The following ADAM23 variants were observed in gnomAD, a reference collection of about 807,000 sequenced individuals.
ADAM23 encodes the protein disintegrin and metalloproteinase domain-containing protein 23.
Under a neutral mutation model 120.1 loss-of-function variants are expected in ADAM23, and 33 were observed. The ratio of observed to expected loss-of-function variants is 0.27; its 90% confidence interval spans 0.21 to 0.37. The LOEUF (loss-of-function observed/expected upper bound fraction) is 0.37. ADAM23 is among the 10% of genes least tolerant of loss of function. ADAM23 has a pLI of 1.00. For synonymous variants in ADAM23, 367 were observed against 375.2 expected (o/e 0.98, Z 0.25); for missense variants, 862 against 1,058.2 (o/e 0.81, Z 2.57).
chr2:206,462,219 A>G (rs1050368252), intron 2 of ADAM23, among the ~76,000 whole-genome samples: 4 of 152,206 alleles, frequency 2.6e-5, no homozygotes, highest in African/African-American at 9.7e-5. Context: ...TAAAGTTAGT[A>G]TAAATATGTC....
intron 3 of ADAM23, among the ~76,000 whole-genome samples, chr2:206,529,484 G>A (rs776247067): frequency 4.6e-5 from 7 of 151,758 alleles, no homozygotes; most frequent in Admixed American, 3.3e-4. Flanking sequence ...CTGCAGCCTC[G>A]ATCTTCTGGG....
At chr2:206,559,704 A>C (rs1224743787) in intron 10 of ADAM23, among the ~76,000 whole-genome samples, 1 of 152,188 alleles carries the variant, frequency 6.6e-6, no homozygotes, top group African/African-American at 2.4e-5. Context: ...GTCTCTCCCT[A>C]GGACAGTGAA....
intron 3 of ADAM23, among the ~76,000 whole-genome samples, chr2:206,520,688 GC>G (rs1696824780): frequency 6.6e-6 from 1 of 152,068 alleles, no homozygotes; most frequent in Admixed American, 6.6e-5. Context: ...TTTGCTGATG[GC>G]TCTAATTGAC....
intron 2 of ADAM23, among the ~76,000 whole-genome samples, chr2:206,449,828 T>A (rs1695155871): frequency 6.6e-6 from 1 of 152,144 alleles, no homozygotes; most frequent in South Asian, 2.1e-4. Flanking sequence ...CTTAGGATTC[T>A]CGTCTCTTCT....
intron 21 of ADAM23, among the ~76,000 whole-genome samples, chr2:206,590,288 G>A (rs1448168325): frequency 6.6e-6 from 1 of 152,108 alleles, no homozygotes; most frequent in Non-Finnish European, 1.5e-5. Context: ...AGTAGAGATA[G>A]GGTTTCACCA....
At chr2:206,554,153 A>G (rs1261795231) in intron 9 of ADAM23, among the ~76,000 whole-genome samples, 1 of 152,150 alleles carries the variant, frequency 6.6e-6, no homozygotes, top group Admixed American at 6.5e-5. Context: ...CCTTTAATTC[A>G]GAGTGATTTA....
In ADAM23 at chr2:206,481,273, C is replaced by A; in HGVS notation, c.474C>A (p.Phe158Leu). The change falls in exon 3 of 26, where the codon TTC becomes TTA. Residue 158 changes from phenylalanine to leucine, a missense_variant. Phe to Leu is a conservative substitution (Grantham distance 22). This residue lies in a region of ADAM23 where 617 missense variants were observed against 813.5 expected (regional missense o/e 0.76). Coordinates refer to ENST00000264377, the MANE Select transcript of ADAM23 (RefSeq NM_003812.4). ...LAQASFQIEA[F>L]GSKFILDLIL... ...AGGCAAGCTTCCAGATTGAAGCCTT[C>A]GGCTCCAAATTCATTCTTGACCTCA... 6.2e-7 allele frequency: 1 copy of A among 1,609,404 alleles called. No individual in the cohort carries two copies. Among genetic ancestry groups the A allele is most frequent in the Non-Finnish European group, 8.5e-7 (1 of 1,178,098 alleles).
intron 3 of ADAM23, among the ~76,000 whole-genome samples, chr2:206,503,067 C>G (rs1696423521): frequency 6.6e-6 from 1 of 152,126 alleles, no homozygotes; most frequent in African/African-American, 2.4e-5. Flanking sequence ...CTTTATCCAT[C>G]CTGATTTATA....
chr2:206,486,039 G>T (rs1295152086), intron 3 of ADAM23, among the ~76,000 whole-genome samples: 1 of 152,210 alleles, frequency 6.6e-6, no homozygotes, highest in East Asian at 1.9e-4. Flanking sequence ...GATAGTGGGA[G>T]AACGAGGAGA....
chr2:206,531,011 G>A, intron 4 of ADAM23, 63 bp downstream of exon 4: 2 of 1,368,426 alleles, frequency 1.5e-6, no homozygotes, highest in Non-Finnish European at 2.0e-6. Flanking sequence ...GTTGATCAGT[G>A]CACACTGCGT....
chr2:206,497,929 A>G (rs1166595761), intron 3 of ADAM23, among the ~76,000 whole-genome samples: 9 of 152,226 alleles, frequency 5.9e-5, no homozygotes, highest in Non-Finnish European at 1.2e-4. Flanking sequence ...TAAAATACCT[A>G]GGAATCCAAC....
intron 2 of ADAM23, among the ~76,000 whole-genome samples, chr2:206,454,307 A>G (rs1446577591): frequency 6.6e-6 from 1 of 152,164 alleles, no homozygotes; most frequent in East Asian, 1.9e-4. Context: ...GAGAAGTGCC[A>G]TACACTTTTA....
At chr2:206,497,577 C>T (rs1251005576) in intron 3 of ADAM23, among the ~76,000 whole-genome samples, 2 of 152,158 alleles carry the variant, frequency 1.3e-5, no homozygotes, top group Non-Finnish European at 2.9e-5. Flanking sequence ...GAAGCATTCC[C>T]TTTGAAAACT....
intron 3 of ADAM23, among the ~76,000 whole-genome samples, chr2:206,519,046 A>AC (rs1559245152): frequency 1.3e-5 from 2 of 152,258 alleles, no homozygotes; most frequent in South Asian, 4.1e-4. Context: ...TTTCTTGGAG[A>AC]CCCTATAATT....
At chr2:206,486,855 A>G (rs1410456925) in intron 3 of ADAM23, among the ~76,000 whole-genome samples, 1 of 152,158 alleles carries the variant, frequency 6.6e-6, no homozygotes, top group Non-Finnish European at 1.5e-5. Flanking sequence ...ATCATCCCCA[A>G]GAAACCCTGT....
intron 20 of ADAM23, 71 bp downstream of exon 20, chr2:206,588,225 T>G: frequency 1.3e-6 from 2 of 1,512,354 alleles, no homozygotes; most frequent in Non-Finnish European, 1.8e-6. Context: ...TCTGCCAGTC[T>G]TGCTGAGAGA....
At chr2:206,477,915 TATATATAA>T (rs1559225498) in intron 2 of ADAM23, among the ~76,000 whole-genome samples, 5 of 141,418 alleles carry the variant, frequency 3.5e-5, no homozygotes, top group South Asian at 2.2e-4. Flanking sequence ...TATATATATA[TATATATAA>T]AACAACAATG....
chr2:206,559,744 T>C (rs1479525027), intron 10 of ADAM23, among the ~76,000 whole-genome samples: 1 of 152,184 alleles, frequency 6.6e-6, no homozygotes, highest in Non-Finnish European at 1.5e-5. Context: ...AATAACCCTA[T>C]AGGAGAGTTG....
chr2:206,610,962 G>A (rs1476806726), intron 25 of ADAM23, among the ~76,000 whole-genome samples: 1 of 152,134 alleles, frequency 6.6e-6, no homozygotes, highest in Admixed American at 6.5e-5. Context: ...CCTGCATCTG[G>A]TTACTCAAAA....
Sources: gnomAD v4.1 joint callset for allele counts (sites outside exome capture counted in the v4.1 genomes callset) on GRCh38, gnomAD v4.1.1 for gene constraint, gnomAD v4.1.1 regional missense constraint, MANE v1.5 for transcripts, NCBI Gene and HGNC (gene_info 2026-07-23, HGNC 2026-07-21) for gene names.